MARCHF8: variants seen among roughly 807,000 people sequenced by gnomAD.
MARCHF8 encodes membrane associated ring-CH-type finger 8.
In MARCHF8, 40 loss-of-function variants were observed where a neutral mutation model predicts 51.6. The ratio of observed to expected loss-of-function variants is 0.77; its 90% CI spans 0.60 to 1.01. The LOEUF is 1.01. MARCHF8 is among the 50% of genes least tolerant of loss of function. The pLI, the probability that MARCHF8 is intolerant of heterozygous loss-of-function variation, is 0.00. For synonymous variants in MARCHF8, 263 were observed against 280.3 expected, an observed-to-expected ratio of 0.94 and a Z score of 0.62; for missense variants, 685 against 708.6, an observed-to-expected ratio of 0.97 and a Z score of 0.38.
chr10:45,459,079 C>G (rs201734974), intron 7 of MARCHF8, 41 bp downstream of exon 7: 2 of 1,612,908 alleles, frequency 1.2e-6, no homozygotes, highest in African/African-American at 1.3e-5. Context: ...TGTGAGCTAT[C>G]CCGGCCCCCA....
chr10:45,528,458 G>A lies in MARCHF8; in HGVS notation c.102+4652C>T, dbSNP rs886251871. 1.1e-4 allele frequency among the ~76,000 whole-genome samples: 15 copies of A among 134,088 alleles called. 1 individual carries two copies. In the South Asian group the frequency reaches 3.0e-3, roughly 27 times the overall value. 88.0% of individuals were successfully genotyped at this position (134,088 alleles called of 152,430 possible). The stretch of plus-strand genomic sequence containing the variant: ...GTAGTATTTCTTTTGTTTAGTTGGG[G>A]TTTGTTTCTTTGTTTGTTTTTGAAA... On this transcript the variant is annotated intron_variant, in intron 2 of 7. Transcript: ENST00000453424.
At chr10:45,509,769 G>A (rs2043459528) in intron 2 of MARCHF8, among the ~76,000 whole-genome samples, 1 of 152,106 alleles carries the variant, frequency 6.6e-6, no homozygotes, top group Non-Finnish European at 1.5e-5. Flanking sequence ...GGATATTTTA[G>A]GGACCTCAAG....
At chr10:45,568,769 T>TA (rs1160950707) in intron 1 of MARCHF8, among the ~76,000 whole-genome samples, 15 of 144,242 alleles carry the variant, frequency 1.0e-4, no homozygotes, top group Admixed American at 4.9e-4. Flanking sequence ...TGGTGAGCTT[T>TA]AAAAAAATTG....
chr10:45,588,998 C>T (rs1321750377), intron 1 of MARCHF8, among the ~76,000 whole-genome samples: 14 of 87,682 alleles, frequency 1.6e-4, no homozygotes, highest in African/African-American at 4.6e-4. Context: ...GACTACGTTT[C>T]AAAAAAAAAA....
At chr10:45,540,906 A>G (rs548685267) in intron 1 of MARCHF8, among the ~76,000 whole-genome samples, 27 of 152,348 alleles carry the variant, frequency 1.8e-4, no homozygotes, top group African/African-American at 6.3e-4. Flanking sequence ...GATCATTAAA[A>G]AGTCAGGAAA....
intron 1 of MARCHF8, among the ~76,000 whole-genome samples, chr10:45,560,340 T>C (rs1311393377): frequency 6.6e-6 from 1 of 152,272 alleles, no homozygotes; most frequent in South Asian, 2.1e-4. Context: ...GACTCTCTTA[T>C]CTGGTGCCTG....
chr10:45,572,355 C>T lies in MARCHF8; in HGVS notation c.-79+21880G>A, dbSNP rs188071272. Among the ~76,000 whole-genome samples, 1,216 of 152,186 alleles carry T rather than the reference C, an allele frequency of 8.0e-3. 11 individuals are homozygous for T. Among genetic ancestry groups the T allele is most frequent in the Admixed American group, 0.017 (265 of 15,298 alleles). On this transcript the variant is annotated intron_variant, in intron 1 of 6. Transcript: ENST00000319836. ...TGCCTCCTTCACTATAGGCAACCTT[C>T]CACCCTCCATTCCTCCTTCTTCTCC...
At chr10:45,471,853 TC>T (rs1056141269) in intron 3 of MARCHF8, among the ~76,000 whole-genome samples, 1 of 152,198 alleles carries the variant, frequency 6.6e-6, no homozygotes, top group African/African-American at 2.4e-5. Context: ...GAACAAGACT[TC>T]CGTGTGACTA....
intron 2 of MARCHF8, among the ~76,000 whole-genome samples, chr10:45,504,943 G>A (rs560115008): frequency 6.6e-6 from 1 of 152,170 alleles, no homozygotes; most frequent in Admixed American, 6.5e-5. Context: ...CTACAAAGGT[G>A]GCCCTACATT....
chr10:45,540,487 C>T (rs1472261004), intron 1 of MARCHF8, among the ~76,000 whole-genome samples: 2 of 152,020 alleles, frequency 1.3e-5, no homozygotes, highest in Non-Finnish European at 2.9e-5. Context: ...CTAGGCAATA[C>T]CATTCAGGAC....
intron 2 of MARCHF8, among the ~76,000 whole-genome samples, chr10:45,517,718 G>A (rs1318090208): frequency 1.3e-5 from 2 of 152,160 alleles, no homozygotes; most frequent in African/African-American, 2.4e-5. Context: ...CCTAACATAA[G>A]GGCTTAGAAC....
rs546130314 is a variant in MARCHF8 at position 45,513,444 on chromosome 10, G to C, written c.102+19666C>G. Among the ~76,000 whole-genome samples, 13 of 152,206 alleles carry C rather than the reference G, an allele frequency of 8.5e-5. No individual in the cohort carries two copies. In the South Asian group the frequency reaches 1.5e-3, roughly 17 times the overall value. ...CAAAACAAAGATCCCTGCTGTTGTA[G>C]AGCTTATGAAAACAGTGTAGAAAGA... On this transcript the variant is annotated intron_variant, in intron 2 of 7. Coordinates refer to ENST00000453424, the MANE Select transcript of MARCHF8 (RefSeq NM_001282866.2).
intron 2 of MARCHF8, among the ~76,000 whole-genome samples, chr10:45,505,405 C>T (rs1295475857): frequency 1.3e-5 from 2 of 152,212 alleles, no homozygotes; most frequent in Non-Finnish European, 2.9e-5. Context: ...TGCAACTACC[C>T]AGTTGCTATC....
At chr10:45,578,433 T>A (rs2044514228) in intron 1 of MARCHF8, among the ~76,000 whole-genome samples, 1 of 152,134 alleles carries the variant, frequency 6.6e-6, no homozygotes, top group East Asian at 1.9e-4. Flanking sequence ...ATATGAATCA[T>A]TCAAATAAAT....
intron 3 of MARCHF8, among the ~76,000 whole-genome samples, chr10:45,487,452 T>C (rs935698342): frequency 7.2e-5 from 11 of 152,226 alleles, no homozygotes; most frequent in African/African-American, 2.7e-4. Flanking sequence ...TTTTAACACA[T>C]TTAATTCAAC....
At chr10:45,489,278 A>C (rs1490150977) in intron 3 of MARCHF8, 89 bp downstream of exon 3, 4 of 273,450 alleles carry the variant, frequency 1.5e-5, no homozygotes, top group Non-Finnish European at 2.5e-5. Context: ...ACGTCTTTTC[A>C]AAAAAAAAAA....
At chr10:45,512,209 C>T (rs1445531736) in intron 2 of MARCHF8, among the ~76,000 whole-genome samples, 1 of 151,570 alleles carries the variant, frequency 6.6e-6, no homozygotes, top group Admixed American at 6.6e-5. Flanking sequence ...GCCTGGCAAC[C>T]GCCCCGTCTG....
Position 45,578,705 on chromosome 10 carries a change from T to C in MARCHF8, c.-79+15530A>G, listed in dbSNP as rs142365881. ...ACCAACTGTTTGATGTTATCAGCAA[T>C]ATTAGAACAAACTGACATCAGGTTG... On this transcript the variant is annotated intron_variant, in intron 1 of 6. Coordinates refer to the MARCHF8 transcript ENST00000319836. Among the ~76,000 whole-genome samples the C allele has an allele frequency of 4.4e-3, 669 of 152,316 alleles. 4 individuals are homozygous for C. The highest frequency in any genetic ancestry group is 0.015 in the African/African-American group (638 of 41,558).
At chr10:45,476,931 A>G (rs892414830) in intron 3 of MARCHF8, among the ~76,000 whole-genome samples, 21 of 152,196 alleles carry the variant, frequency 1.4e-4, no homozygotes, top group Non-Finnish European at 2.5e-4. Context: ...AAAAAGATGG[A>G]ATATCTAACA....
Sources: allele counts gnomAD v4.1 joint callset (sites outside exome capture counted in the v4.1 genomes callset), GRCh38; gene constraint gnomAD v4.1.1; transcripts MANE v1.5; gene names NCBI Gene and HGNC (gene_info 2026-07-23, HGNC 2026-07-21).